The following FARS2 variants were observed in gnomAD, a reference collection of about 807,000 sequenced individuals.
The protein encoded by FARS2 is phenylalanyl-tRNA synthetase 2, mitochondrial.
FARS2 carries 40 observed loss-of-function variants against 46.4 expected under a neutral mutation model. That is an observed-to-expected ratio of 0.86 (90% CI 0.67 to 1.12). The LOEUF is 1.12. Among genes scored for constraint, FARS2 ranks in the 50% most tolerant of loss-of-function variants. The probability of loss-of-function intolerance (pLI) is 0.00; values close to 1 mark genes in which losing one functional copy is unlikely to be tolerated. For synonymous variants in FARS2, 234 were observed against 214.9 expected, an observed-to-expected ratio of 1.09 and a Z score of -0.78; for missense variants, 513 against 567.9, an observed-to-expected ratio of 0.90 and a Z score of 0.98.
At chr6:5,376,138 C>T (rs1759361690) in intron 2 of FARS2, among the ~76,000 whole-genome samples, 1 of 152,100 alleles carries the variant, frequency 6.6e-6, no homozygotes, top group Non-Finnish European at 1.5e-5. Context: ...AATCTTCTGT[C>T]AATCTTTCGA....
chr6:5,742,905 T>C (rs1231851754), intron 6 of FARS2, among the ~76,000 whole-genome samples: 2 of 151,882 alleles, frequency 1.3e-5, no homozygotes, highest in Non-Finnish European at 2.9e-5. Context: ...TCTCAGGAAA[T>C]GGGCTCCCAG....
At chr6:5,465,247 T>C in intron 4 of FARS2, among the ~76,000 whole-genome samples, 1 of 152,252 alleles carries the variant, frequency 6.6e-6, no homozygotes, top group East Asian at 1.9e-4. Flanking sequence ...GGATGCAAAC[T>C]GAACTTGTGC....
rs140610449 is a variant in FARS2 at position 5,683,340 on chromosome 6, G to A, written c.1217+70020G>A. Among the ~76,000 whole-genome samples, 243 of 152,278 alleles carry A rather than the reference G, an allele frequency of 1.6e-3. 2 individuals are homozygous for A. Among genetic ancestry groups the A allele is most frequent in the Middle Eastern group, 3.4e-3 (1 of 294 alleles). On this transcript the variant is annotated intron_variant, in intron 6 of 6. Transcript: ENST00000274680. ...ACACATCCTGGGTTTGGGACTAAGT[G>A]AGCAGGTGAATAGTGATGTCATTTT... is the stretch of plus-strand genomic sequence containing the variant.
At chr6:5,527,070 A>G (rs1222745986) in intron 4 of FARS2, among the ~76,000 whole-genome samples, 1 of 152,234 alleles carries the variant, frequency 6.6e-6, no homozygotes, top group African/African-American at 2.4e-5. Flanking sequence ...CTTAATGTAT[A>G]CAGTATTATA....
intron 4 of FARS2, among the ~76,000 whole-genome samples, chr6:5,470,844 A>G (rs528796558): frequency 6.6e-6 from 1 of 152,168 alleles, no homozygotes; most frequent in Non-Finnish European, 1.5e-5. Context: ...AAGTAAAGAG[A>G]CTCAATTTTT....
intron 6 of FARS2, among the ~76,000 whole-genome samples, chr6:5,738,945 G>A (rs55674805): frequency 0.015 from 2,226 of 152,174 alleles, 59 homozygotes; most frequent in African/African-American, 0.05. Flanking sequence ...ACAATGACTC[G>A]TTAGAACAGG....
intron 1 of FARS2, among the ~76,000 whole-genome samples, chr6:5,324,126 GA>G (rs1351632571): frequency 6.6e-6 from 1 of 152,202 alleles, no homozygotes; most frequent in Non-Finnish European, 1.5e-5. Flanking sequence ...AAATCAGCCA[GA>G]AGCCCCTCTC....
At chr6:5,701,479 G>A (rs1433340535) in intron 6 of FARS2, among the ~76,000 whole-genome samples, 1 of 152,180 alleles carries the variant, frequency 6.6e-6, no homozygotes, top group Non-Finnish European at 1.5e-5. Context: ...TCTGTGCTGG[G>A]CTATTATTGG....
intron 6 of FARS2, among the ~76,000 whole-genome samples, chr6:5,682,039 A>G (rs1439552099): frequency 1.3e-5 from 2 of 152,176 alleles, no homozygotes; most frequent in South Asian, 2.1e-4. Flanking sequence ...TGCTAAAAGG[A>G]CACTTCCGAC....
chr6:5,653,536 A>G (rs1323612364), intron 6 of FARS2, among the ~76,000 whole-genome samples: 2 of 152,248 alleles, frequency 1.3e-5, no homozygotes, highest in Non-Finnish European at 2.9e-5. Context: ...GGAAAATCCT[A>G]AGAACTAAGT....
chr6:5,275,422 A>G (rs1225051425), intron 1 of FARS2, among the ~76,000 whole-genome samples: 1 of 152,114 alleles, frequency 6.6e-6, no homozygotes, highest in Non-Finnish European at 1.5e-5. Flanking sequence ...TACAAAGTAG[A>G]TCTACATAAT....
upstream of FARS2, among the ~76,000 whole-genome samples, chr6:5,260,493 G>C (rs1764986030): frequency 2.6e-5 from 4 of 152,216 alleles, no homozygotes; most frequent in Non-Finnish European, 5.9e-5. Flanking sequence ...CTGTAGGCAG[G>C]AGCACGCTTT....
intron 4 of FARS2, among the ~76,000 whole-genome samples, chr6:5,519,921 G>C (rs73356365): frequency 0.11 from 16,816 of 152,232 alleles, 993 homozygotes; most frequent in Admixed American, 0.16. Flanking sequence ...AATTAGAAGA[G>C]AGAATTCAAG....
intron 6 of FARS2, among the ~76,000 whole-genome samples, chr6:5,667,204 T>C (rs1264071303): frequency 6.6e-6 from 1 of 151,986 alleles, no homozygotes; most frequent in African/African-American, 2.4e-5. Flanking sequence ...GAACTTAAAA[T>C]AAAAATTAAA....
intron 6 of FARS2, among the ~76,000 whole-genome samples, chr6:5,740,622 T>C (rs1761270838): frequency 6.6e-6 from 1 of 152,186 alleles, no homozygotes; most frequent in African/African-American, 2.4e-5. Context: ...TGCTATGTTT[T>C]CCGATTGCTC....
chr6:5,645,319 G>A (rs527340597), intron 6 of FARS2, among the ~76,000 whole-genome samples: 29 of 152,320 alleles, frequency 1.9e-4, no homozygotes, highest in African/African-American at 6.5e-4. Flanking sequence ...GGGCCAGTGC[G>A]TCTGTTGTTA....
chr6:5,635,132 G>C (rs935730007), intron 6 of FARS2, among the ~76,000 whole-genome samples: 9 of 152,192 alleles, frequency 5.9e-5, no homozygotes, highest in African/African-American at 2.2e-4. Context: ...ACCGACCTTA[G>C]AAGGTTATTT....
rs1407315693 is a variant in FARS2 at position 5,438,776 on chromosome 6, A to G, written c.904+7604A>G. ...AAAATCCCAAATTCAAAATGCTCCAATGTGCATCTCTTAATGGGCATCATG... is the reference window on the plus strand; with the variant it reads ...AAAATCCCAAATTCAAAATGCTCCAGTGTGCATCTCTTAATGGGCATCATG... On this transcript the variant is annotated intron_variant, in intron 4 of 6. Coordinates refer to ENST00000274680, the MANE Select transcript of FARS2 (RefSeq NM_006567.5). Among the ~76,000 whole-genome samples the G allele has an allele frequency of 2.0e-5, 3 of 152,182 alleles. No homozygotes were observed. The South Asian group carries it at 6.2e-4, about 32-fold the overall frequency.
intron 4 of FARS2, among the ~76,000 whole-genome samples, chr6:5,486,398 T>C (rs1766779716): frequency 6.6e-6 from 1 of 152,166 alleles, no homozygotes; most frequent in Non-Finnish European, 1.5e-5. Flanking sequence ...TTATGACTTG[T>C]TTTTATTTTA....
Sources: gnomAD v4.1 joint callset for allele counts (sites outside exome capture counted in the v4.1 genomes callset) on GRCh38, gnomAD v4.1.1 for gene constraint, MANE v1.5 for transcripts, NCBI Gene and HGNC (gene_info 2026-07-23, HGNC 2026-07-21) for gene names.